Variants in TROAP observed in about 807,000 individuals in gnomAD.
TROAP encodes the protein tastin.
A neutral mutation model predicts 83.4 loss-of-function variants in TROAP; 62 were observed. The observed-to-expected ratio is 0.74, with a 90% CI of 0.61 to 0.92. The LOEUF (loss-of-function observed/expected upper bound fraction) is 0.92, where lower values mean the gene tolerates loss of function less well. Among genes scored for constraint, TROAP ranks in the 40% least tolerant of loss-of-function variants. TROAP has a pLI of 0.00. For synonymous variants in TROAP, 352 were observed against 386.4 expected, an observed-to-expected ratio of 0.91 and a Z score of 1.04; for missense variants, 876 against 985.1, an observed-to-expected ratio of 0.89 and a Z score of 1.48.
chr12:49,324,235 C>A, intron 3 of TROAP, 198 bp downstream of exon 3: 1 of 1,608,162 alleles, frequency 6.2e-7, no homozygotes, highest in East Asian at 2.2e-5. Flanking sequence ...CGCCAGGTGC[C>A]ATGGCTTGTA....
Position 49,329,736 on chromosome 12 carries a change from A to G in TROAP, c.1165-121A>G. 1 of 1,362,782 alleles carries G rather than the reference A, an allele frequency of 7.3e-7. No individual in the cohort carries two copies. Among genetic ancestry groups the G allele is most frequent in the Non-Finnish European group, 1.0e-6 (1 of 994,660 alleles). The allele number at this position is 1,362,782 out of a possible 1,614,324, so 84.4% of individuals were successfully genotyped here. A position where few individuals can be genotyped will look rare whatever the true frequency, so the allele number is the denominator to read the frequency against. The stretch of plus-strand genomic sequence containing the variant: ...TCACTGCTTCTCTGCTGCCCCTCCT[A>G]ATGTACATCTAGGGCCTCTCAGTTA... On this transcript the variant is annotated intron_variant, in intron 11 of 14. Coordinates refer to ENST00000257909, the MANE Select transcript of TROAP (RefSeq NM_005480.4). This position sits in a 1 kb window ranked among gnomAD's most constrained non-coding sequence, Gnocchi z 4.5.
chr12:49,323,723 G>A lies in TROAP; in HGVS notation c.115G>A (p.Ala39Thr). ...RTPFPTVTSC[A>T]VDQENQDPRR... The stretch of plus-strand genomic sequence containing the variant: ...GCCTTTCCCCACTGTTACATCGTGC[G>A]CCGTGGACCAGGAGAACCAAGATCC... Residue 39 changes from alanine (A) to threonine (T), a missense_variant, in exon 2 of 15, where the codon GCC becomes ACC. Around this residue, in one of 3 missense-constraint regions of TROAP, gnomAD observed 689 missense variants for 722.6 expected, o/e 0.95. Coordinates refer to ENST00000257909, the MANE Select transcript of TROAP (RefSeq NM_005480.4). 1 of 1,614,044 alleles carries A rather than the reference G, an allele frequency of 6.2e-7. No individual in the cohort carries two copies. The highest frequency in any genetic ancestry group is 8.5e-7 in the Non-Finnish European group (1 of 1,180,008).
chr12:49,329,234 G>A lies in TROAP; in HGVS notation c.1094G>A (p.Arg365Lys). The A allele has an allele frequency of 1.2e-6, 2 of 1,614,228 alleles. No individual in the cohort carries two copies. The highest frequency in any genetic ancestry group is 1.3e-5 in the African/African-American group (1 of 75,048). Residue 365 changes from arginine to lysine, a missense_variant, in exon 10 of 15, where the codon AGA becomes AAA. Coordinates refer to ENST00000257909, the MANE Select transcript of TROAP (RefSeq NM_005480.4). This position sits in a 1 kb window ranked among gnomAD's most constrained non-coding sequence, Gnocchi z 4.5. ...TRFTPMPSTP[R>K]VQQAQWLRGV... ...TTCACACCCATGCCATCAACCCCCA[G>A]AGTTCAGCAGGTAAGAGAGGGCATG...
Position 49,328,932 on chromosome 12 carries a change from C to A in TROAP, c.897C>A (p.Ser299Arg). Residue 299 changes from serine (S) to arginine (R), a missense_variant, in exon 9 of 15, where the codon AGC becomes AGA. By Grantham distance (110) the Ser-to-Arg change is moderately radical. This residue lies in a region of TROAP where 689 missense variants were observed against 722.6 expected (regional missense o/e 0.95). Transcript: ENST00000257909. ...ENREMSHTRD[S>R]HDSHLMPSPA... The stretch of plus-strand genomic sequence containing the variant: ...CACCTTTTTCTTCTTCACAGGACAG[C>A]CATGACTCCCACCTGATGCCCTCCC... The A allele has an allele frequency of 6.4e-7, 1 of 1,560,082 alleles. No homozygotes were observed. The highest frequency in any genetic ancestry group is 8.7e-7 in the Non-Finnish European group (1 of 1,152,598).
rs1022587685 is a variant in TROAP, at chr12:49,323,966, G to A, written c.266G>A (p.Arg89Gln). The part of the protein sequence containing the change: ...SQRLVGISQP[R>Q]NPLEELRPSP... ...AGATTGGTGGGGATCAGTCAGCCTCGGAACCCCTTGGAAGAGCTCAGGCCT... is the reference window on the plus strand; with the variant it reads ...AGATTGGTGGGGATCAGTCAGCCTCAGAACCCCTTGGAAGAGCTCAGGCCT... The change falls in exon 3 of 15, where the codon CGG becomes CAG. Residue 89 changes from arginine (R) to glutamine (Q), a missense_variant. This residue lies in a region of TROAP where 689 missense variants were observed against 722.6 expected (regional missense o/e 0.95). Transcript: ENST00000257909. The A allele has an allele frequency of 6.2e-7, 1 of 1,614,192 alleles. No homozygotes were observed. The highest frequency in any genetic ancestry group is 8.5e-7 in the Non-Finnish European group (1 of 1,180,044).
Position 49,323,697 on chromosome 12 carries a change from C to T in TROAP, c.89C>T (p.Thr30Met), listed in dbSNP as rs376354528. 14 of 1,614,030 alleles carry T rather than the reference C, an allele frequency of 8.7e-6. No homozygotes were observed. The African/African-American group carries it at 1.5e-4, about 17-fold the overall frequency. ...SKIPVRSQKR[T>M]PFPTVTSCAV... ...ATTCCGGTACGCTCTCAGAAACGCA[C>T]GCCTTTCCCCACTGTTACATCGTGC... is the stretch of plus-strand genomic sequence containing the variant. The change falls in exon 2 of 15, where the codon ACG (threonine) becomes ATG (methionine). Residue 30 changes from threonine to methionine, a missense_variant. Thr to Met is a moderately conservative substitution (Grantham distance 81). Transcript: ENST00000257909.
intron 3 of TROAP, 135 bp from the exon 4 acceptor site, chr12:49,325,366 T>TAA (rs541818565): frequency 0.013 from 9,842 of 766,236 alleles, 20 homozygotes; most frequent in Non-Finnish European, 0.016. Flanking sequence ...ATCTATTTCT[T>TAA]AAAAAAAAAA....
rs1003570332 is a variant in TROAP at position 49,323,508 on chromosome 12, G to C, written c.-5-96G>C. On this transcript the variant is annotated intron_variant, in intron 1 of 14. Transcript: ENST00000257909. ...CGGGGGCTTGTGGGCGCGTGGATTA[G>C]GGCGGAGGTATCAGGGATGGCAGGA... The C allele has an allele frequency of 3.3e-6, 5 of 1,512,304 alleles. No individual in the cohort carries two copies. The African/African-American group carries it at 6.9e-5, about 21-fold the overall frequency. The allele number at this position is 1,512,304 out of a possible 1,614,324, so 93.7% of individuals were successfully genotyped here. A position where few individuals can be genotyped will look rare whatever the true frequency, so the allele number is the denominator to read the frequency against.
rs771190388 is a variant in TROAP at position 49,326,116 on chromosome 12, C to G, written c.674C>G (p.Pro225Arg). ...SGPSFHPSTR[P>R]SFQELRRETA... ...CCTTCCTTTCACCCTTCCACTCGCCCCAGTTTCCAGGAGCTAAGAAGGGAG... is the reference window on the plus strand; with the variant it reads ...CCTTCCTTTCACCCTTCCACTCGCCGCAGTTTCCAGGAGCTAAGAAGGGAG... Residue 225 changes from proline (P) to arginine (R), a missense_variant, in exon 6 of 15, where the codon CCC (proline) becomes CGC (arginine). Pro to Arg is a moderately radical substitution (Grantham distance 103). This residue lies in a region of TROAP where 689 missense variants were observed against 722.6 expected (regional missense o/e 0.95). Coordinates refer to ENST00000257909, the MANE Select transcript of TROAP (RefSeq NM_005480.4). 3.7e-6 allele frequency: 6 copies of G among 1,613,998 alleles called. No individual in the cohort carries two copies. The highest frequency in any genetic ancestry group is 1.3e-5 in the African/African-American group (1 of 75,016).
chr12:49,331,555 G>C lies in TROAP; in HGVS notation c.2293-18G>C. ...TGCAAGGTTGGCTGAGCTGTGACAA[G>C]GTCTTCTCTGTCTCCAGTGTTTCAT... On this transcript the variant is annotated intron_variant, in intron 14 of 14. Coordinates refer to ENST00000257909, the MANE Select transcript of TROAP (RefSeq NM_005480.4). 2 of 1,614,184 alleles carry C rather than the reference G, an allele frequency of 1.2e-6. No individual in the cohort carries two copies. The highest frequency in any genetic ancestry group is 1.7e-6 in the Non-Finnish European group (2 of 1,180,018).
In TROAP at chr12:49,329,191, G is replaced by A. The variant is rs773396467; in HGVS notation, c.1051G>A (p.Val351Ile). The A allele has an allele frequency of 2.8e-5, 45 of 1,613,982 alleles. No homozygotes were observed. In the South Asian group the frequency reaches 3.7e-4, roughly 13 times the overall value. ...TSYSVLRRLT[V>I]QPKTRFTPMP... ...ATATTCAGTGTTGCGGCGTCTCACC[G>A]TTCAACCTAAAACCCGGTTCACACC... Residue 351 changes from valine (V) to isoleucine (I), a missense_variant, in exon 10 of 15, where the codon GTT becomes ATT. Coordinates refer to ENST00000257909, the MANE Select transcript of TROAP (RefSeq NM_005480.4). This position sits in a 1 kb window ranked among gnomAD's most constrained non-coding sequence, Gnocchi z 4.5.
rs764943094 is a variant in TROAP, at chr12:49,323,952, G to T, written c.252G>T (p.Gly84=). Residue 84 remains glycine, a synonymous_variant, in exon 3 of 15, where the codon GGG becomes GGT. Transcript: ENST00000257909. ...CAGAGACATCACAAAGATTGGTGGG[G>T]ATCAGTCAGCCTCGGAACCCCTTGG... is the stretch of plus-strand genomic sequence containing the variant. ...HQAETSQRLV[G]ISQPRNPLEE... is the part of the protein sequence containing the mutation. 4.3e-6 allele frequency: 7 copies of T among 1,614,202 alleles called. No homozygotes were observed. The highest frequency in any genetic ancestry group is 5.9e-6 in the Non-Finnish European group (7 of 1,180,052).
chr12:49,326,509 C>T (rs1298355112), intron 6 of TROAP, 159 bp from the exon 7 acceptor site: 3 of 900,660 alleles, frequency 3.3e-6, no homozygotes, highest in South Asian at 3.5e-5. Flanking sequence ...TTGCCTTCAC[C>T]TCTCTGAGCT....
rs891098022 is a variant in TROAP, at chr12:49,324,909, C to CTT, written c.338-573_338-572dup. ...CACCCAGCTAATTTTTGTTTTCTTT[C>CTT]TTTTTTTTTTTTTTTTTTTTGAGAC... is the stretch of plus-strand genomic sequence containing the variant. On this transcript the variant is annotated intron_variant, in intron 3 of 14. Transcript: ENST00000257909. 6.3e-3 allele frequency among the ~76,000 whole-genome samples: 708 copies of CTT among 112,512 alleles called. 12 individuals carry two copies. The highest frequency in any genetic ancestry group is 0.023 in the African/African-American group (649 of 28,388). The allele number at this position is 112,512 out of a possible 152,430, so 73.8% of individuals were successfully genotyped here.
In TROAP at chr12:49,330,402, G is replaced by T. The variant is rs771094583; in HGVS notation, c.1557G>T (p.Glu519Asp). Residue 519 changes from glutamate to aspartate, a missense_variant, in exon 13 of 15, where the codon GAG (glutamate) becomes GAT (aspartate). Physicochemically the swap from Glu to Asp is conservative, Grantham distance 45 (BLOSUM62 2). Coordinates refer to ENST00000257909, the MANE Select transcript of TROAP (RefSeq NM_005480.4). ...AACCACAGCCCTGCCCTCCGGCAGAGCCTGGGCCCCCAGAGGCCTTCTGTA... is the reference window on the plus strand; with the variant it reads ...AACCACAGCCCTGCCCTCCGGCAGATCCTGGGCCCCCAGAGGCCTTCTGTA... Reference protein sequence around the residue: ...CGEPQPCPPAEPGPPEAFCRS... With the variant: ...CGEPQPCPPADPGPPEAFCRS... The T allele has an allele frequency of 2.0e-5, 33 of 1,613,392 alleles. No individual in the cohort carries two copies. The Admixed American group carries it at 5.2e-4, about 25-fold the overall frequency.
chr12:49,324,103 G>T, intron 3 of TROAP, 66 bp downstream of exon 3: 1 of 1,613,394 alleles, frequency 6.2e-7, no homozygotes, highest in Non-Finnish European at 8.5e-7. Flanking sequence ...GGGTAAAAGT[G>T]GGGTTTTGGG....
intron 7 of TROAP, 45 bp downstream of exon 7, chr12:49,326,765 C>T: frequency 6.5e-7 from 1 of 1,548,980 alleles, no homozygotes; most frequent in Non-Finnish European, 8.7e-7. Context: ...AGTTGGGCTG[C>T]CTGAAGCAGG....
Position 49,329,413 on chromosome 12 carries a change from G to A in TROAP, c.1123G>A (p.Val375Ile), listed in dbSNP as rs748113634. ...GTGCCAGGCCCAGTGGCTGCGTGGTGTCTCCCCTCAGTCCTGCTCTGAAGA... is the reference window on the plus strand; with the variant it reads ...GTGCCAGGCCCAGTGGCTGCGTGGTATCTCCCCTCAGTCCTGCTCTGAAGA... Reference protein sequence around the residue: ...RVQQAQWLRGVSPQSCSEDPA... With the variant: ...RVQQAQWLRGISPQSCSEDPA... Residue 375 changes from valine to isoleucine, a missense_variant, in exon 11 of 15, where the codon GTC becomes ATC. Val to Ile is a conservative substitution (Grantham distance 29). Transcript: ENST00000257909. The surrounding 1 kb of genome is among the most constrained non-coding windows in gnomAD (Gnocchi z 4.5). 6 of 1,612,748 alleles carry A rather than the reference G, an allele frequency of 3.7e-6. No individual in the cohort carries two copies. The Admixed American group carries it at 5.0e-5, about 13-fold the overall frequency.
At position 49,330,313 on chromosome 12, in the gene TROAP, C is replaced by T. The variant is rs1313332008; in HGVS notation, c.1468C>T (p.His490Tyr). ...NATEHNSGTSHLPGLLKHSGL... is the reference protein window; with the variant it reads ...NATEHNSGTSYLPGLLKHSGL... ...CACAGAGCATAACTCTGGGACTTCC[C>T]ACCTTCCTGGACTGTTAAAACACTC... Residue 490 changes from histidine (H) to tyrosine (Y), a missense_variant, in exon 13 of 15, where the codon CAC becomes TAC. Coordinates refer to ENST00000257909, the MANE Select transcript of TROAP (RefSeq NM_005480.4). 3 of 1,614,140 alleles carry T rather than the reference C, an allele frequency of 1.9e-6. No homozygotes were observed. The highest frequency in any genetic ancestry group is 1.6e-4 in the Middle Eastern group (1 of 6,062).
Sources: allele counts gnomAD v4.1 joint callset (sites outside exome capture counted in the v4.1 genomes callset), GRCh38; gene constraint gnomAD v4.1.1; regional missense constraint gnomAD v4.1.1; non-coding constraint Gnocchi (gnomAD v3.1); transcripts MANE v1.5; gene names NCBI Gene and HGNC (gene_info 2026-07-23, HGNC 2026-07-21).